SLC4A5: variants seen among roughly 807,000 people sequenced by gnomAD.
SLC4A5 encodes solute carrier family 4 member 5, also known as electrogenic sodium bicarbonate cotransporter 4.
A neutral mutation model predicts 120.4 loss-of-function variants in SLC4A5; 96 were observed. The ratio of observed to expected loss-of-function variants is 0.80; its 90% confidence interval spans 0.68 to 0.94. The LOEUF is 0.94. SLC4A5 is among the 40% of genes least tolerant of loss of function. The probability of loss-of-function intolerance (pLI) is 0.00; values close to 1 mark genes in which losing one functional copy is unlikely to be tolerated. For missense variants in SLC4A5, 1,259 were observed against 1,459.5 expected, an observed-to-expected ratio of 0.86 and a Z score of 2.24; for synonymous variants, 550 against 571.1, an observed-to-expected ratio of 0.96 and a Z score of 0.53.
chr2:74,298,162 G>C (rs1672384585), intron 7 of SLC4A5, among the ~76,000 whole-genome samples: 4 of 152,198 alleles, frequency 2.6e-5, no homozygotes, highest in Admixed American at 2.6e-4. Flanking sequence ...TGTAATTCCA[G>C]ATTTCAAGCT....
At position 74,328,071 on chromosome 2, in the gene SLC4A5, T is replaced by A. The variant is rs914388470; in HGVS notation, c.-3+49A>T. On this transcript the variant is annotated intron_variant, in intron 5 of 30. Coordinates refer to ENST00000394019, the Ensembl canonical transcript of SLC4A5. ...ATGCTATGAAACACATTTTCCCTTATCTGCATAGCTCTGTCTACTTTCTCT... is the reference window on the plus strand; with the variant it reads ...ATGCTATGAAACACATTTTCCCTTAACTGCATAGCTCTGTCTACTTTCTCT... 9 of 942,576 alleles carry A rather than the reference T, an allele frequency of 9.5e-6. No homozygotes were observed. In the African/African-American group the frequency reaches 1.4e-4, roughly 15 times the overall value. 58.4% of individuals were successfully genotyped at this position (942,576 alleles called of 1,614,324 possible). A position where few individuals can be genotyped will look rare whatever the true frequency, so the allele number is the denominator to read the frequency against.
chr2:74,241,966 A>G (rs911611626), intron 20 of SLC4A5, 28 bp downstream of exon 20: 1 of 1,588,812 alleles, frequency 6.3e-7, no homozygotes, highest in Non-Finnish European at 8.6e-7. Context: ...AAGCACTCAA[A>G]TGTCTAACAT....
At chr2:74,257,400 G>T (rs1671001781) in intron 12 of SLC4A5, among the ~76,000 whole-genome samples, 1 of 152,130 alleles carries the variant, frequency 6.6e-6, no homozygotes, top group African/African-American at 2.4e-5. Flanking sequence ...TGATTACTAA[G>T]CAGCGTTCTT....
intron 8 of SLC4A5, among the ~76,000 whole-genome samples, chr2:74,280,303 G>GA (rs1183361781): frequency 1.3e-5 from 2 of 151,952 alleles, no homozygotes; most frequent in African/African-American, 4.8e-5. Context: ...CTTCCTCCTA[G>GA]AAGCCTTCCT....
chr2:74,289,172 G>T (rs1304474177), intron 7 of SLC4A5, among the ~76,000 whole-genome samples: 1 of 152,118 alleles, frequency 6.6e-6, no homozygotes, highest in Non-Finnish European at 1.5e-5. Flanking sequence ...CACACAATGG[G>T]CTCCTGGGAG....
intron 7 of SLC4A5, among the ~76,000 whole-genome samples, chr2:74,303,440 T>G (rs951395551): frequency 6.6e-6 from 1 of 152,140 alleles, no homozygotes; most frequent in African/African-American, 2.4e-5. Context: ...CTATATATAG[T>G]AGAAACCAAA....
At chr2:74,241,757 A>AT (rs1227914729) in intron 20 of SLC4A5, among the ~76,000 whole-genome samples, 1 of 150,666 alleles carries the variant, frequency 6.6e-6, no homozygotes, top group Non-Finnish European at 1.5e-5. Context: ...AAAAAAAAAA[A>AT]CGCACAAAAA....
chr2:74,304,371 AGGCT>A, intron 7 of SLC4A5, 114 bp downstream of exon 7: 1 of 1,068,738 alleles, frequency 9.4e-7, no homozygotes, highest in Non-Finnish European at 1.3e-6. Flanking sequence ...CAGAGAGGTT[AGGCT>A]GAGCCATGTG....
chr2:74,286,037 G>C, intron 7 of SLC4A5, 135 bp from the exon 8 acceptor site: 1 of 976,298 alleles, frequency 1.0e-6, no homozygotes, highest in Non-Finnish European at 1.4e-6. Context: ...TCCAGCTCCT[G>C]GGTGATGCTG....
At chr2:74,237,735 C>T (rs1042072459) in intron 21 of SLC4A5, among the ~76,000 whole-genome samples, 1 of 152,128 alleles carries the variant, frequency 6.6e-6, no homozygotes, top group Non-Finnish European at 1.5e-5. Flanking sequence ...GGCACAGTTA[C>T]TGCTTATGTA....
intron 5 of SLC4A5, among the ~76,000 whole-genome samples, chr2:74,321,163 T>C (rs913384014): frequency 9.9e-5 from 15 of 152,188 alleles, no homozygotes; most frequent in African/African-American, 3.4e-4. Flanking sequence ...TTGGGGAGTA[T>C]AAAACACCTG....
chr2:74,265,227 C>G (rs755161346), exon 9 of SLC4A5: 1 of 1,614,192 alleles, frequency 6.2e-7, no homozygotes, highest in Non-Finnish European at 8.5e-7. Flanking sequence ...CTCCAGCGTT[C>G]GCCGCCTTCC....
chr2:74,334,996 C>A (rs1394719458), intron 3 of SLC4A5, among the ~76,000 whole-genome samples: 1 of 152,132 alleles, frequency 6.6e-6, no homozygotes, highest in Non-Finnish European at 1.5e-5. Context: ...TCTCCAGGAA[C>A]CAAGTCCTGT....
chr2:74,308,271 A>G (rs986476266), intron 6 of SLC4A5, among the ~76,000 whole-genome samples: 1 of 152,224 alleles, frequency 6.6e-6, no homozygotes, highest in African/African-American at 2.4e-5. Context: ...TCGGACGACA[A>G]GACTATGATC....
chr2:74,291,959 G>C (rs1260179073), intron 7 of SLC4A5, among the ~76,000 whole-genome samples: 2 of 152,042 alleles, frequency 1.3e-5, no homozygotes, highest in African/African-American at 4.8e-5. Context: ...GATGGCCAAG[G>C]ATCCCAAAAA....
chr2:74,307,143 G>A (rs1316719458), intron 6 of SLC4A5: 1 of 558,800 alleles, frequency 1.8e-6, no homozygotes, highest in Non-Finnish European at 3.3e-6. Context: ...CATCATCTCA[G>A]CAGCTCCAAC....
intron 25 of SLC4A5, among the ~76,000 whole-genome samples, chr2:74,229,104 C>CTTTTTTTTTTTT (rs55689286): frequency 0.79 from 78,146 of 98,404 alleles, 32,626 homozygotes; most frequent in Non-Finnish European, 0.88. Context: ...TAGATTTGAG[C>CTTTTTTTTTTTT]TTTTTTTTTT....
chr2:74,266,188 T>A (rs1444185172), intron 8 of SLC4A5, among the ~76,000 whole-genome samples: 2 of 152,158 alleles, frequency 1.3e-5, no homozygotes, highest in Non-Finnish European at 2.9e-5. Flanking sequence ...CTTCAGTAAT[T>A]AAAGCGGTGT....
chr2:74,326,294 A>G (rs1673215033), intron 5 of SLC4A5, among the ~76,000 whole-genome samples: 1 of 152,224 alleles, frequency 6.6e-6, no homozygotes, highest in Non-Finnish European at 1.5e-5. Context: ...TCTGGCATGC[A>G]GCAAATGAAA....
Sources: gnomAD v4.1 joint callset for allele counts (sites outside exome capture counted in the v4.1 genomes callset) on GRCh38, gnomAD v4.1.1 for gene constraint, MANE v1.5 for transcripts, NCBI Gene and HGNC (gene_info 2026-07-23, HGNC 2026-07-21) for gene names.